The following DMD variants were observed in gnomAD, a reference collection of about 807,000 sequenced individuals.
DMD encodes mutant dystrophin.
A neutral mutation model predicts 330.1 loss-of-function variants in DMD; 63 were observed. The observed-to-expected ratio is 0.19, with a 90% CI of 0.16 to 0.24. DMD has a LOEUF of 0.24. DMD is among the 10% of genes least tolerant of loss of function. The pLI is 1.00. For missense variants in DMD, 3,344 were observed against 2,684.1 expected, an observed-to-expected ratio of 1.25 and a Z score of -5.43; for synonymous variants, 1,223 against 959.8, an observed-to-expected ratio of 1.27 and a Z score of -5.07.
chrX:32,204,072 G>C (rs1392256797), intron 44 of DMD, among the ~76,000 whole-genome samples: 1 of 111,335 alleles, frequency 9.0e-6, no homozygotes, highest in Admixed American at 9.5e-5. Context: ...GGTCTCTTAG[G>C]AAGACCTTGT....
intron 2 of DMD, among the ~76,000 whole-genome samples, chrX:33,001,716 A>G (rs1480589592): frequency 1.1e-5 from 1 of 88,318 alleles, no homozygotes; most frequent in Non-Finnish European, 2.5e-5. Context: ...AAACCAAAGC[A>G]TTCAAATAAT....
At chrX:31,304,163 A>G (rs1043129401) in intron 62 of DMD, among the ~76,000 whole-genome samples, 3 of 112,369 alleles carry the variant, frequency 2.7e-5, no homozygotes, top group Admixed American at 9.4e-5. Context: ...GTTAAACAAA[A>G]TATACCCAGT....
rs915316267 is a variant in DMD, at chrX:31,929,171, G to A, written c.6912+425C>T. ...GTAAGTAAATAAATAAACTTGTGGC[G>A]AACGTTAGTGTACATTAATTATTAA... is the stretch of plus-strand genomic sequence containing the variant. On this transcript the variant is annotated intron_variant, in intron 47 of 78. Transcript: ENST00000357033. Among the ~76,000 whole-genome samples the A allele has an allele frequency of 5.4e-5, 6 of 111,717 alleles. No homozygotes were observed. In the South Asian group the frequency reaches 1.1e-3, roughly 21 times the overall value.
intron 52 of DMD, among the ~76,000 whole-genome samples, chrX:31,699,289 C>A (rs937223755): frequency 3.6e-5 from 4 of 112,188 alleles, no homozygotes; most frequent in Admixed American, 9.4e-5. Flanking sequence ...TTGTGAAATA[C>A]GTTTCTTGAT....
chrX:32,461,036 C>T (rs780505876), intron 25 of DMD, among the ~76,000 whole-genome samples: 1 of 111,426 alleles, frequency 9.0e-6, no homozygotes, highest in Admixed American at 9.6e-5. Context: ...AAAATAATAA[C>T]CATTTTATAT....
intron 1 of DMD, among the ~76,000 whole-genome samples, chrX:33,325,585 C>G (rs1253344363): frequency 8.9e-6 from 1 of 112,312 alleles, no homozygotes; most frequent in Non-Finnish European, 1.9e-5. Context: ...CGCATTTGCT[C>G]TGCTTTCATA....
At chrX:32,815,747 G>C (rs964812295) in intron 6 of DMD, among the ~76,000 whole-genome samples, 2 of 109,682 alleles carry the variant, frequency 1.8e-5, no homozygotes, top group Non-Finnish European at 3.8e-5. Context: ...ATGGAATATA[G>C]TTAAGGACTT....
At chrX:31,872,849 A>T (rs1206381214) in intron 48 of DMD, among the ~76,000 whole-genome samples, 1 of 111,408 alleles carries the variant, frequency 9.0e-6, no homozygotes, top group Non-Finnish European at 1.9e-5. Context: ...ATCAGTATTC[A>T]TGAGATGTAA....
upstream of DMD, among the ~76,000 whole-genome samples, chrX:33,211,986 T>C (rs2051937204): frequency 8.9e-6 from 1 of 112,191 alleles, no homozygotes; most frequent in Non-Finnish European, 1.9e-5. Flanking sequence ...GTATCCACTG[T>C]CTACCAAAGT....
In DMD at chrX:33,157,779, A is replaced by G. The variant is rs184439207; in HGVS notation, c.31+53503T>C. Among the ~76,000 whole-genome samples, 592 of 111,870 alleles carry G rather than the reference A, an allele frequency of 5.3e-3. 7 individuals carry two copies. The highest frequency in any genetic ancestry group is 0.019 in the African/African-American group (573 of 30,820). ...AGACCACAGCCAGGGTAACATGGCA[A>G]AACCCCATCTCTACTAAAAATACAA... On this transcript the variant is annotated intron_variant, in intron 1 of 78. Transcript: ENST00000357033.
chrX:32,876,947 G>T (rs969806479), intron 2 of DMD, among the ~76,000 whole-genome samples: 5 of 112,076 alleles, frequency 4.5e-5, no homozygotes, highest in Non-Finnish European at 9.4e-5. Flanking sequence ...ATTATATTCT[G>T]TCAAATGATT....
chrX:33,018,748 A>G lies in DMD; in HGVS notation c.93+1391T>C, dbSNP rs1938505487. ...AGAATTCCAAAACTTAAAAATGTCA[A>G]TGATGCCAGTATATACAGCAATTAA... is the stretch of plus-strand genomic sequence containing the variant. On this transcript the variant is annotated intron_variant, in intron 2 of 78. Transcript: ENST00000357033. Among the ~76,000 whole-genome samples the G allele has an allele frequency of 3.6e-5, 4 of 111,870 alleles. No homozygotes were observed. In the South Asian group the frequency reaches 1.5e-3, roughly 41 times the overall value.
chrX:31,830,966 T>C (rs2093014976), intron 49 of DMD, among the ~76,000 whole-genome samples: 1 of 112,107 alleles, frequency 8.9e-6, no homozygotes, highest in African/African-American at 3.2e-5. Flanking sequence ...CTAAGATACC[T>C]AATCACTACA....
intron 62 of DMD, among the ~76,000 whole-genome samples, chrX:31,277,622 G>A (rs1356623386): frequency 9.0e-6 from 1 of 111,061 alleles, no homozygotes; most frequent in African/African-American, 3.3e-5. Context: ...CTCGACATAA[G>A]CCAGGAACAT....
At chrX:32,044,151 T>C (rs766200647) in intron 44 of DMD, among the ~76,000 whole-genome samples, 2 of 111,431 alleles carry the variant, frequency 1.8e-5, no homozygotes, top group Non-Finnish European at 3.8e-5. Context: ...ACTAAAGAAG[T>C]ATATAAAGGA....
intron 2 of DMD, among the ~76,000 whole-genome samples, chrX:32,851,023 A>C (rs896706677): frequency 8.9e-6 from 1 of 111,833 alleles, no homozygotes; most frequent in African/African-American, 3.3e-5. Flanking sequence ...GGGATCAACA[A>C]ATACTTTCCA....
At chrX:32,303,709 A>T (rs913057179) in intron 42 of DMD, among the ~76,000 whole-genome samples, 10 of 110,472 alleles carry the variant, frequency 9.1e-5, no homozygotes, top group Non-Finnish European at 1.9e-4. Flanking sequence ...TGGGGAGTAG[A>T]TCTATCTTAA....
At chrX:31,539,336 C>A (rs1197364059) in intron 55 of DMD, among the ~76,000 whole-genome samples, 1 of 112,213 alleles carries the variant, frequency 8.9e-6, no homozygotes, top group Non-Finnish European at 1.9e-5. Context: ...AGTGCTGGAG[C>A]AGAACCCAGG....
intron 1 of DMD, among the ~76,000 whole-genome samples, chrX:33,298,989 C>T (rs2148936451): frequency 9.0e-6 from 1 of 111,697 alleles, no homozygotes; most frequent in East Asian, 2.8e-4. Context: ...CCACCTCCAC[C>T]TGTATCAGAT....
Sources: gnomAD v4.1 joint callset for allele counts (sites outside exome capture counted in the v4.1 genomes callset) on GRCh38, gnomAD v4.1.1 for gene constraint, MANE v1.5 for transcripts, NCBI Gene and HGNC (gene_info 2026-07-23, HGNC 2026-07-21) for gene names.